The following MGMT variants were observed in gnomAD, a reference collection of about 807,000 sequenced individuals.
MGMT encodes methylated-DNA--protein-cysteine methyltransferase.
In MGMT, 14 loss-of-function variants were observed where a neutral mutation model predicts 15.9. That is an observed-to-expected ratio of 0.88 (90% CI 0.58 to 1.37). The LOEUF (loss-of-function observed/expected upper bound fraction) is 1.37. Ranked by LOEUF, MGMT falls within the 40% of genes most tolerant of loss-of-function variation. MGMT has a pLI of 0.00. For synonymous variants in MGMT, 130 were observed against 118.2 expected, an observed-to-expected ratio of 1.10 and a Z score of -0.65; for missense variants, 282 against 268.1, an observed-to-expected ratio of 1.05 and a Z score of -0.36.
intron 2 of MGMT, among the ~76,000 whole-genome samples, chr10:129,591,833 A>C (rs1034314176): frequency 6.6e-6 from 1 of 152,220 alleles, no homozygotes; most frequent in African/African-American, 2.4e-5. Context: ...TGGGAGGCTG[A>C]GGCAGGAGAA....
chr10:129,761,258 G>A (rs1589980818), intron 4 of MGMT, among the ~76,000 whole-genome samples: 1 of 152,210 alleles, frequency 6.6e-6, no homozygotes, highest in East Asian at 1.9e-4. Flanking sequence ...CCCGAGGAGA[G>A]TAAGTCCTTG....
At chr10:129,766,367 A>G (rs1269584834) in intron 4 of MGMT, among the ~76,000 whole-genome samples, 8 of 152,202 alleles carry the variant, frequency 5.3e-5, no homozygotes, top group Non-Finnish European at 8.8e-5. Context: ...GTCTTCTCTG[A>G]TGCGTCCTGT....
At chr10:129,501,244 T>C (rs987169508) in intron 1 of MGMT, among the ~76,000 whole-genome samples, 2 of 152,216 alleles carry the variant, frequency 1.3e-5, no homozygotes, top group Non-Finnish European at 2.9e-5. Context: ...CTTCCCTCTC[T>C]GGGCTTGGGC....
At chr10:129,652,003 C>G (rs1847463979) in intron 2 of MGMT, among the ~76,000 whole-genome samples, 1 of 152,198 alleles carries the variant, frequency 6.6e-6, no homozygotes, top group South Asian at 2.1e-4. Context: ...TTGCTTCACC[C>G]AGGTGTTGGG....
At chr10:129,708,821 G>A (rs530962621) in intron 3 of MGMT, among the ~76,000 whole-genome samples, 2 of 152,272 alleles carry the variant, frequency 1.3e-5, no homozygotes, top group South Asian at 4.1e-4. Context: ...ATTACCTTGA[G>A]ATTTTAGATG....
chr10:129,745,010 C>T (rs1465906330), intron 3 of MGMT, among the ~76,000 whole-genome samples: 1 of 152,128 alleles, frequency 6.6e-6, no homozygotes, highest in Non-Finnish European at 1.5e-5. Flanking sequence ...AGGTAGGTGC[C>T]TGGTCCTCCG....
intron 1 of MGMT, among the ~76,000 whole-genome samples, chr10:129,490,954 C>T (rs952307160): frequency 7.9e-5 from 12 of 152,254 alleles, no homozygotes; most frequent in Admixed American, 2.0e-4. Context: ...AAATACTTTA[C>T]AAAATGTTAG....
At chr10:129,479,647 A>G (rs542825662) in intron 1 of MGMT, among the ~76,000 whole-genome samples, 51 of 152,186 alleles carry the variant, frequency 3.4e-4, no homozygotes, top group African/African-American at 1.1e-3. Flanking sequence ...AAAAGGGAGA[A>G]CAAGCATTTT....
chr10:129,518,772 G>A (rs1267096152), intron 1 of MGMT, among the ~76,000 whole-genome samples: 1 of 151,030 alleles, frequency 6.6e-6, no homozygotes, highest in African/African-American at 2.4e-5. Flanking sequence ...TTATCATTAA[G>A]ACTTCCATTC....
intron 2 of MGMT, among the ~76,000 whole-genome samples, chr10:129,631,137 T>C (rs1462812641): frequency 6.6e-6 from 1 of 151,970 alleles, no homozygotes; most frequent in African/African-American, 2.4e-5. Flanking sequence ...TTTATGTTAA[T>C]GAAACCAGTC....
intron 2 of MGMT, among the ~76,000 whole-genome samples, chr10:129,663,759 C>T (rs1399265860): frequency 1.3e-5 from 2 of 151,926 alleles, no homozygotes; most frequent in Non-Finnish European, 2.9e-5. Context: ...CAAAATTAAC[C>T]CCAGTAGAGA....
intron 1 of MGMT, among the ~76,000 whole-genome samples, chr10:129,512,459 C>T (rs1306511349): frequency 1.3e-5 from 2 of 152,100 alleles, no homozygotes; most frequent in African/African-American, 4.8e-5. Context: ...CCACAGCCTC[C>T]CTGTGACTTC....
chr10:129,685,141 AAGTC>A (rs533724496), intron 2 of MGMT, among the ~76,000 whole-genome samples: 42 of 152,356 alleles, frequency 2.8e-4, no homozygotes, highest in African/African-American at 9.9e-4. Context: ...AGGTGATTGA[AAGTC>A]AGATAAACAT....
At chr10:129,535,562 C>G (rs77693358) in intron 1 of MGMT, among the ~76,000 whole-genome samples, 5,740 of 152,306 alleles carry the variant, frequency 0.038, 169 homozygotes, top group South Asian at 0.066. Flanking sequence ...CTACGTTGCC[C>G]AGTCTGGTTT....
intron 3 of MGMT, among the ~76,000 whole-genome samples, chr10:129,721,296 A>T (rs1248646399): frequency 6.6e-6 from 1 of 152,270 alleles, no homozygotes. Context: ...GCTGGCTGGA[A>T]TTCATGGGCG....
At chr10:129,676,522 A>G (rs1847787835) in intron 2 of MGMT, among the ~76,000 whole-genome samples, 1 of 152,200 alleles carries the variant, frequency 6.6e-6, no homozygotes, top group East Asian at 1.9e-4. Flanking sequence ...AGTGGCTGAG[A>G]TCAGCAAGAC....
chr10:129,661,674 G>A (rs1847599879), intron 2 of MGMT, among the ~76,000 whole-genome samples: 1 of 152,080 alleles, frequency 6.6e-6, no homozygotes, highest in African/African-American at 2.4e-5. Context: ...GTTTAGTGGT[G>A]TCTTTTAGTC....
chr10:129,721,449 GAAC>G (rs1429269158), intron 3 of MGMT, among the ~76,000 whole-genome samples: 1 of 152,220 alleles, frequency 6.6e-6, no homozygotes, highest in Admixed American at 6.5e-5. Flanking sequence ...ACTATAAGTT[GAAC>G]AAATTTCAGA....
intron 2 of MGMT, among the ~76,000 whole-genome samples, chr10:129,604,121 A>C (rs1846857860): frequency 6.6e-6 from 1 of 152,174 alleles, no homozygotes; most frequent in Non-Finnish European, 1.5e-5. Context: ...TGATGGTATG[A>C]AATGGGGAGA....
Sources: allele counts gnomAD v4.1 joint callset (sites outside exome capture counted in the v4.1 genomes callset), GRCh38; gene constraint gnomAD v4.1.1; transcripts MANE v1.5; gene names NCBI Gene and HGNC (gene_info 2026-07-23, HGNC 2026-07-21).